Variants in MED27 observed in about 807,000 individuals in gnomAD.
MED27 encodes the protein mediator of RNA polymerase II transcription subunit 27.
A neutral mutation model predicts 38.2 loss-of-function variants in MED27; 30 were observed. That is an observed-to-expected ratio of 0.79 (90% confidence interval 0.59 to 1.07). The LOEUF (loss-of-function observed/expected upper bound fraction) is 1.07. MED27 is among the 50% of genes least tolerant of loss of function. The pLI is 0.00. For synonymous variants in MED27, 122 were observed against 153.5 expected (o/e 0.79, Z 1.52); for missense variants, 289 against 397.5 (o/e 0.73, Z 2.32).
chr9:131,936,917 C>T (rs1441569686), intron 4 of MED27, among the ~76,000 whole-genome samples: 2 of 152,238 alleles, frequency 1.3e-5, no homozygotes, highest in Non-Finnish European at 2.9e-5. Context: ...TCAGCTGAGA[C>T]TGCTCAAGTG....
chr9:131,879,740 G>C (rs1226076823), intron 6 of MED27, among the ~76,000 whole-genome samples: 2 of 152,186 alleles, frequency 1.3e-5, no homozygotes, highest in Non-Finnish European at 2.9e-5. Context: ...CAGTCGACTT[G>C]GCTGGGTGCA....
At chr9:132,067,190 C>A (rs1397511500) in intron 2 of MED27, among the ~76,000 whole-genome samples, 1 of 152,228 alleles carries the variant, frequency 6.6e-6, no homozygotes, top group Non-Finnish European at 1.5e-5. Context: ...ACTTGATATA[C>A]AGTTTCCAGT....
chr9:131,880,107 C>T (rs2131477071), intron 6 of MED27, among the ~76,000 whole-genome samples: 1 of 152,294 alleles, frequency 6.6e-6, no homozygotes, highest in Non-Finnish European at 1.5e-5. Flanking sequence ...ATAGGCACGC[C>T]AGTCACCGCC....
chr9:131,915,648 A>G (rs1414437869), intron 4 of MED27, among the ~76,000 whole-genome samples: 1 of 152,232 alleles, frequency 6.6e-6, no homozygotes, highest in Non-Finnish European at 1.5e-5. Flanking sequence ...ATGATCTTCA[A>G]CAAGTGTCTA....
At chr9:131,906,690 C>A (rs1830069249) in intron 4 of MED27, among the ~76,000 whole-genome samples, 1 of 152,174 alleles carries the variant, frequency 6.6e-6, no homozygotes, top group African/African-American at 2.4e-5. Context: ...GGATCCTGAT[C>A]CAGACCCCGA....
Position 131,863,026 on chromosome 9 carries a change from G to C in MED27, c.801+37C>G, listed in dbSNP as rs376431689. 5 of 1,587,120 alleles carry C rather than the reference G, an allele frequency of 3.2e-6. No homozygotes were observed. The African/African-American group carries it at 5.4e-5, about 17-fold the overall frequency. ...CCTGTTCTCACTTGAAGGGAGCTGA[G>C]GTTTAAACAGGAGACCTGACTCTTG... On this transcript the variant is annotated intron_variant, in intron 7 of 7. Transcript: ENST00000292035.
At chr9:131,896,641 G>A (rs1447840896) in intron 4 of MED27, among the ~76,000 whole-genome samples, 1 of 152,034 alleles carries the variant, frequency 6.6e-6, no homozygotes, top group Non-Finnish European at 1.5e-5. Flanking sequence ...TTAACATTTT[G>A]GGGTACTTCC....
chr9:131,860,349 A>G lies in MED27; in HGVS notation c.*189T>C. ...CTTCAGTCCGCTGGCTAGTGGGAAT[A>G]ATTAGTCCCATCAGCCACAGAGGGA... On this transcript the variant is annotated 3_prime_UTR_variant, in exon 8 of 8. Transcript: ENST00000292035. The surrounding 1 kb of genome is among the most constrained non-coding windows in gnomAD (Gnocchi z 5.8). 1 of 596,808 alleles carries G rather than the reference A, an allele frequency of 1.7e-6. No homozygotes were observed. 37.0% of individuals were successfully genotyped at this position (596,808 alleles called of 1,614,324 possible).
intron 3 of MED27, among the ~76,000 whole-genome samples, chr9:131,940,942 T>C (rs995441302): frequency 6.6e-6 from 1 of 152,206 alleles, no homozygotes; most frequent in Non-Finnish European, 1.5e-5. Context: ...CTGGCACATA[T>C]AAAGGACTCA....
At chr9:132,002,145 C>G (rs140924303) in intron 3 of MED27, among the ~76,000 whole-genome samples, 3 of 152,296 alleles carry the variant, frequency 2.0e-5, no homozygotes, top group East Asian at 3.9e-4. Context: ...GGCCAGCAGG[C>G]CCTGAGCTCA....
chr9:131,882,330 G>A (rs1254410188), intron 6 of MED27, among the ~76,000 whole-genome samples: 1 of 152,156 alleles, frequency 6.6e-6, no homozygotes, highest in Non-Finnish European at 1.5e-5. Flanking sequence ...ACTGCTCAAT[G>A]CACACCAGAT....
intron 3 of MED27, among the ~76,000 whole-genome samples, chr9:131,949,554 G>A (rs541854007): frequency 9.9e-5 from 15 of 152,256 alleles, no homozygotes; most frequent in Admixed American, 7.8e-4. Context: ...CTTACACACC[G>A]CAGTGCTTTT....
intron 3 of MED27, among the ~76,000 whole-genome samples, chr9:131,994,590 T>C (rs761727353): frequency 2.6e-5 from 4 of 152,202 alleles, no homozygotes; most frequent in Non-Finnish European, 5.9e-5. Flanking sequence ...ATTGCCACCA[T>C]GGTATCAGAT....
chr9:131,887,816 A>G (rs1352614151), intron 5 of MED27, among the ~76,000 whole-genome samples: 1 of 152,234 alleles, frequency 6.6e-6, no homozygotes, highest in East Asian at 1.9e-4. Flanking sequence ...CTGAAAACAC[A>G]AAAGTCAACC....
intron 2 of MED27, among the ~76,000 whole-genome samples, chr9:132,038,684 A>G (rs1437010318): frequency 3.3e-5 from 5 of 152,218 alleles, no homozygotes; most frequent in Admixed American, 3.3e-4. Context: ...GACACCTGCA[A>G]TGTGATCTGA....
chr9:131,896,318 G>C (rs959521908), intron 4 of MED27, among the ~76,000 whole-genome samples: 1 of 152,188 alleles, frequency 6.6e-6, no homozygotes, highest in African/African-American at 2.4e-5. Context: ...GTTTGTAACT[G>C]CACATTTTAA....
At chr9:131,951,479 A>G (rs1183985779) in intron 3 of MED27, among the ~76,000 whole-genome samples, 4 of 152,194 alleles carry the variant, frequency 2.6e-5, no homozygotes, top group African/African-American at 7.2e-5. Context: ...GACTCCTTAC[A>G]ACTCTATTCA....
At chr9:131,885,563 G>A (rs1200520103) in intron 5 of MED27, among the ~76,000 whole-genome samples, 3 of 152,152 alleles carry the variant, frequency 2.0e-5, no homozygotes, top group African/African-American at 7.2e-5. Flanking sequence ...GGAGGTGTGA[G>A]TTGGCATGTG....
chr9:131,934,790 G>A (rs1830651821), intron 4 of MED27, among the ~76,000 whole-genome samples: 1 of 152,148 alleles, frequency 6.6e-6, no homozygotes, highest in East Asian at 1.9e-4. Flanking sequence ...GTTCACAATA[G>A]CCAAAATTTG....
Sources: gnomAD v4.1 joint callset for allele counts (sites outside exome capture counted in the v4.1 genomes callset) on GRCh38, gnomAD v4.1.1 for gene constraint, Gnocchi (gnomAD v3.1) non-coding constraint, MANE v1.5 for transcripts, NCBI Gene and HGNC (gene_info 2026-07-23, HGNC 2026-07-21) for gene names.